Variants in CDH20 observed in about 807,000 individuals in gnomAD.
The protein encoded by CDH20 is cadherin-20.
In CDH20, 29 loss-of-function variants were observed where a neutral mutation model predicts 74.2. The ratio of observed to expected loss-of-function variants is 0.39; its 90% confidence interval spans 0.29 to 0.53. The LOEUF is 0.53. Ranked by LOEUF, CDH20 falls within the 20% of genes least tolerant of loss-of-function variation. CDH20 has a pLI of 0.69. For synonymous variants in CDH20, 469 were observed against 405.4 expected (o/e 1.16, Z -1.88); for missense variants, 988 against 1,048.3 (o/e 0.94, Z 0.79).
chr18:61,552,973 T>C (rs746283502), intron 11 of CDH20, among the ~76,000 whole-genome samples: 1 of 152,310 alleles, frequency 6.6e-6, no homozygotes, highest in Non-Finnish European at 1.5e-5. Context: ...CCACGCCTCG[T>C]ATTTTTGCAC....
At chr18:61,473,130 G>C (rs556838225) in intron 1 of CDH20, among the ~76,000 whole-genome samples, 1 of 152,326 alleles carries the variant, frequency 6.6e-6, no homozygotes, top group Non-Finnish European at 1.5e-5. Flanking sequence ...TAATCAGATT[G>C]ATGTAATATG....
intron 1 of CDH20, among the ~76,000 whole-genome samples, chr18:61,381,556 C>A (rs1911433578): frequency 6.6e-6 from 1 of 152,214 alleles, no homozygotes; most frequent in Admixed American, 6.5e-5. Flanking sequence ...ATAAAATTAT[C>A]TTGCTGCAAA....
chr18:61,479,259 G>A (rs1266700418), intron 1 of CDH20, among the ~76,000 whole-genome samples: 1 of 151,850 alleles, frequency 6.6e-6, no homozygotes, highest in Non-Finnish European at 1.5e-5. Flanking sequence ...ATAATAAAAG[G>A]AAAAACCATC....
At chr18:61,527,773 G>A (rs917490379) in intron 6 of CDH20, among the ~76,000 whole-genome samples, 194 bp from the exon 7 acceptor site, 4 of 152,170 alleles carry the variant, frequency 2.6e-5, no homozygotes, top group Non-Finnish European at 4.4e-5. Flanking sequence ...TACCCAAAGT[G>A]TTGAAACTGA....
At chr18:61,418,176 C>T (rs1234392314) in intron 1 of CDH20, among the ~76,000 whole-genome samples, 1 of 152,010 alleles carries the variant, frequency 6.6e-6, no homozygotes, top group Non-Finnish European at 1.5e-5. Flanking sequence ...ATCTTTGGAA[C>T]CTAGTTATTT....
intron 1 of CDH20, among the ~76,000 whole-genome samples, chr18:61,413,206 C>T (rs1475972073): frequency 1.3e-5 from 2 of 152,094 alleles, no homozygotes; most frequent in African/African-American, 4.8e-5. Flanking sequence ...CTGTTAATCT[C>T]TTATTTTGGG....
intron 9 of CDH20, among the ~76,000 whole-genome samples, chr18:61,541,732 T>C (rs1362365334): frequency 6.6e-6 from 1 of 152,240 alleles, no homozygotes; most frequent in Non-Finnish European, 1.5e-5. Flanking sequence ...TTGTGTTTAC[T>C]TGTTGGATAC....
chr18:61,499,062 A>C, intron 2 of CDH20, 124 bp from the exon 3 acceptor site: 1 of 725,534 alleles, frequency 1.4e-6, no homozygotes, highest in Non-Finnish European at 2.2e-6. Context: ...CGACAAACTT[A>C]TTAAACATTT....
chr18:61,425,255 C>T (rs879805517), intron 1 of CDH20, among the ~76,000 whole-genome samples: 3 of 152,142 alleles, frequency 2.0e-5, no homozygotes, highest in Admixed American at 6.5e-5. Context: ...CCCCAACCCT[C>T]GTGTTTAGGT....
rs143312111 is a variant in CDH20 at position 61,453,168 on chromosome 18, C to T, written c.-152-37234C>T. On this transcript the variant is annotated intron_variant, in intron 1 of 11. Coordinates refer to ENST00000262717, the MANE Select transcript of CDH20 (RefSeq NM_031891.4). ...AGCCACATCCACTTCCCTCCCACCT[C>T]CACTCACTCCTTAATCCTTGGCAAC... 1.6e-3 allele frequency among the ~76,000 whole-genome samples: 244 copies of T among 152,308 alleles called. 1 individual carries two copies. Among genetic ancestry groups the T allele is most frequent in the Admixed American group, 2.3e-3 (35 of 15,300 alleles).
intron 6 of CDH20, among the ~76,000 whole-genome samples, chr18:61,523,217 G>A (rs201370164): frequency 6.9e-5 from 10 of 145,616 alleles, no homozygotes; most frequent in Middle Eastern, 3.7e-3. Context: ...AAATTTACAA[G>A]AAAAAAAAAA....
chr18:61,413,268 C>A (rs568568301), intron 1 of CDH20, among the ~76,000 whole-genome samples: 77 of 152,270 alleles, frequency 5.1e-4, no homozygotes, highest in African/African-American at 1.8e-3. Context: ...TGCTGTCAGT[C>A]TTCACACTAG....
intron 1 of CDH20, among the ~76,000 whole-genome samples, chr18:61,486,627 T>A (rs1910771549): frequency 2.6e-5 from 1 of 39,176 alleles, no homozygotes; most frequent in Admixed American, 4.0e-4. Flanking sequence ...AAGATCTCCA[T>A]AAAGTCTCTC....
At chr18:61,419,770 C>G (rs865899771) in intron 1 of CDH20, among the ~76,000 whole-genome samples, 2 of 152,134 alleles carry the variant, frequency 1.3e-5, no homozygotes, top group Admixed American at 6.6e-5. Flanking sequence ...CAATGTTTCT[C>G]TTACAATGTA....
chr18:61,440,339 G>C (rs1908986992), intron 1 of CDH20, among the ~76,000 whole-genome samples: 1 of 152,176 alleles, frequency 6.6e-6, no homozygotes, highest in Admixed American at 6.6e-5. Flanking sequence ...CCTACCCACA[G>C]CCTGAAGTAG....
chr18:61,449,272 G>T (rs1269742065), intron 1 of CDH20, among the ~76,000 whole-genome samples: 1 of 152,016 alleles, frequency 6.6e-6, no homozygotes, highest in Non-Finnish European at 1.5e-5. Flanking sequence ...AAGCATAAAG[G>T]TGACTTTTAA....
At chr18:61,489,839 A>G (rs1910892502) in intron 1 of CDH20, among the ~76,000 whole-genome samples, 1 of 152,124 alleles carries the variant, frequency 6.6e-6, no homozygotes. Flanking sequence ...GAAAATGATT[A>G]AAGTCAGAAG....
intron 1 of CDH20, among the ~76,000 whole-genome samples, chr18:61,475,677 T>C (rs1171650343): frequency 2.0e-5 from 3 of 152,184 alleles, no homozygotes; most frequent in African/African-American, 7.2e-5. Context: ...GAACCTACTG[T>C]ATAATAGCAT....
chr18:61,451,409 A>T (rs1480707290), intron 1 of CDH20, among the ~76,000 whole-genome samples: 2 of 152,104 alleles, frequency 1.3e-5, no homozygotes, highest in African/African-American at 4.8e-5. Context: ...GTCAGTTATG[A>T]CTATCACATC....
Sources: allele counts gnomAD v4.1 joint callset (sites outside exome capture counted in the v4.1 genomes callset), GRCh38; gene constraint gnomAD v4.1.1; transcripts MANE v1.5; gene names NCBI Gene and HGNC (gene_info 2026-07-23, HGNC 2026-07-21).